The following MAGI2 variants were observed in gnomAD, a reference collection of about 807,000 sequenced individuals.
MAGI2 encodes the protein membrane-associated guanylate kinase, WW and PDZ domain-containing protein 2.
In MAGI2, 35 loss-of-function variants were observed where a neutral mutation model predicts 133.3. That is an observed-to-expected ratio of 0.26 (90% CI 0.20 to 0.35). MAGI2 has a LOEUF of 0.35. MAGI2 is among the 10% of genes least tolerant of loss of function. The probability of loss-of-function intolerance (pLI) is 1.00; values close to 1 mark genes in which losing one functional copy is unlikely to be tolerated. For missense variants in MAGI2, 1,636 were observed against 1,863.4 expected, an observed-to-expected ratio of 0.88 and a Z score of 2.25; for synonymous variants, 729 against 710.6, an observed-to-expected ratio of 1.03 and a Z score of -0.41.
intron 1 of MAGI2, among the ~76,000 whole-genome samples, chr7:79,405,304 A>G (rs1042509774): frequency 8.5e-5 from 13 of 152,186 alleles, no homozygotes; most frequent in African/African-American, 2.9e-4. Flanking sequence ...CAAAGGGTTT[A>G]GCTGTTCAAA....
chr7:78,626,787 C>G (rs1471040290), intron 3 of MAGI2, among the ~76,000 whole-genome samples: 1 of 151,092 alleles, frequency 6.6e-6, no homozygotes, highest in East Asian at 1.9e-4. Context: ...TCTGAGAGAT[C>G]ACAGCTTAAC....
At chr7:78,463,220 A>C (rs1216211438) in intron 6 of MAGI2, among the ~76,000 whole-genome samples, 1 of 152,240 alleles carries the variant, frequency 6.6e-6, no homozygotes, top group African/African-American at 2.4e-5. Flanking sequence ...GTGAGCATAC[A>C]TGAGGCTGTA....
intron 6 of MAGI2, among the ~76,000 whole-genome samples, chr7:78,384,998 G>A (rs547029967): frequency 2.6e-5 from 4 of 152,232 alleles, no homozygotes; most frequent in African/African-American, 4.8e-5. Flanking sequence ...GCTGCTAAAT[G>A]GTAACATCAG....
intron 1 of MAGI2, among the ~76,000 whole-genome samples, chr7:79,306,735 C>G (rs1837847114): frequency 6.6e-6 from 1 of 152,124 alleles, no homozygotes; most frequent in Non-Finnish European, 1.5e-5. Flanking sequence ...TATACCTACT[C>G]TGAGATTCTA....
At chr7:79,235,652 T>C (rs989674064) in intron 1 of MAGI2, among the ~76,000 whole-genome samples, 4 of 152,164 alleles carry the variant, frequency 2.6e-5, no homozygotes, top group African/African-American at 9.6e-5. Flanking sequence ...CTGCTTCGGC[T>C]CGCGCACGGT....
chr7:78,685,219 A>G (rs1816147652), intron 2 of MAGI2, among the ~76,000 whole-genome samples: 1 of 152,132 alleles, frequency 6.6e-6, no homozygotes, highest in Non-Finnish European at 1.5e-5. Context: ...ACCTCACATC[A>G]TTTATTCCTG....
At chr7:78,452,501 G>A (rs781060603) in intron 6 of MAGI2, among the ~76,000 whole-genome samples, 3 of 151,750 alleles carry the variant, frequency 2.0e-5, no homozygotes, top group Non-Finnish European at 4.4e-5. Flanking sequence ...AGTTTTGAAA[G>A]GTCCCTAAAA....
At position 78,651,579 on chromosome 7, in the gene MAGI2, A is replaced by G. The variant is rs145523255; in HGVS notation, c.419-24340T>C. 3.1e-4 allele frequency among the ~76,000 whole-genome samples: 47 copies of G among 152,238 alleles called. No homozygotes were observed. The East Asian group carries it at 9.1e-3, about 29-fold the overall frequency. ...CTCCCAGAAAATAACTTCCAATAAT[A>G]TGATTCTTTTGATAATCAGATATCA... On this transcript the variant is annotated intron_variant, in intron 2 of 21. Transcript: ENST00000354212.
At chr7:78,547,610 A>G (rs1000518734) in intron 3 of MAGI2, among the ~76,000 whole-genome samples, 8 of 152,244 alleles carry the variant, frequency 5.3e-5, no homozygotes, top group Admixed American at 5.2e-4. Context: ...GGTGTAAAGG[A>G]GGAACCACCT....
intron 2 of MAGI2, among the ~76,000 whole-genome samples, chr7:78,644,617 A>T (rs1259941828): frequency 6.6e-6 from 1 of 152,158 alleles, no homozygotes; most frequent in Non-Finnish European, 1.5e-5. Context: ...TAAAAACACA[A>T]TATATCAAAA....
intron 6 of MAGI2, among the ~76,000 whole-genome samples, chr7:78,415,931 A>G (rs10953556): frequency 0.18 from 27,317 of 152,164 alleles, 2,810 homozygotes; most frequent in Non-Finnish European, 0.23. Flanking sequence ...GAGGCATTAT[A>G]GTTCCAAGAT....
intron 2 of MAGI2, among the ~76,000 whole-genome samples, chr7:78,961,411 T>C (rs1398131319): frequency 6.6e-6 from 1 of 152,140 alleles, no homozygotes; most frequent in Non-Finnish European, 1.5e-5. Flanking sequence ...ACTTCTTTTC[T>C]ATCCCAGAAA....
chr7:79,219,502 C>T (rs1366887741), intron 1 of MAGI2, among the ~76,000 whole-genome samples: 2 of 151,948 alleles, frequency 1.3e-5, no homozygotes, highest in Non-Finnish European at 2.9e-5. Context: ...TCAATTAATA[C>T]CCAGAATTGT....
chr7:78,174,623 G>T (rs533302041), intron 14 of MAGI2, among the ~76,000 whole-genome samples: 3 of 152,174 alleles, frequency 2.0e-5, no homozygotes, highest in Non-Finnish European at 4.4e-5. Context: ...TTGGAATTAG[G>T]AGTGTCTTTG....
chr7:79,447,668 C>T (rs981581564), intron 1 of MAGI2, among the ~76,000 whole-genome samples: 3 of 151,672 alleles, frequency 2.0e-5, no homozygotes, highest in Admixed American at 1.3e-4. Flanking sequence ...TTTAATAGTA[C>T]TATAGTACGT....
At chr7:78,747,211 G>C (rs186832100) in intron 2 of MAGI2, among the ~76,000 whole-genome samples, 12 of 152,108 alleles carry the variant, frequency 7.9e-5, no homozygotes, top group African/African-American at 2.4e-4. Flanking sequence ...TACTGACCTG[G>C]TACTATTGAT....
At chr7:78,345,295 C>A (rs1285369742) in intron 8 of MAGI2, 1 of 152,192 alleles carries the variant, frequency 6.6e-6, no homozygotes, top group East Asian at 1.9e-4. Context: ...GTGAAAACTA[C>A]CAGCAGGCAA....
chr7:78,069,230 G>A (rs981727585), intron 21 of MAGI2, among the ~76,000 whole-genome samples: 6 of 152,146 alleles, frequency 3.9e-5, no homozygotes, highest in African/African-American at 1.4e-4. Context: ...GACAGAAAGA[G>A]GACAACAAGT....
intron 1 of MAGI2, among the ~76,000 whole-genome samples, chr7:79,368,876 A>G (rs905825368): frequency 6.8e-6 from 1 of 147,278 alleles, no homozygotes; most frequent in South Asian, 2.2e-4. Context: ...AAAAAAAAAA[A>G]GTCTATTGTA....
Sources: allele counts gnomAD v4.1 joint callset (sites outside exome capture counted in the v4.1 genomes callset), GRCh38; gene constraint gnomAD v4.1.1; transcripts MANE v1.5; gene names NCBI Gene and HGNC (gene_info 2026-07-23, HGNC 2026-07-21).